SEMA6D: variants seen among roughly 807,000 people sequenced by gnomAD.
SEMA6D encodes the protein semaphorin 6D.
A neutral mutation model predicts 106.6 loss-of-function variants in SEMA6D; 35 were observed. That is an observed-to-expected ratio of 0.33 (90% CI 0.25 to 0.44). The LOEUF (loss-of-function observed/expected upper bound fraction) is 0.44. SEMA6D is among the 20% of genes least tolerant of loss of function. The pLI is 1.00. For synonymous variants in SEMA6D, 499 were observed against 487.7 expected, an observed-to-expected ratio of 1.02 and a Z score of -0.31; for missense variants, 1,185 against 1,345.9, an observed-to-expected ratio of 0.88 and a Z score of 1.87.
rs2041648152 is a variant in SEMA6D at position 47,434,715 on chromosome 15, A to C, written c.-159+22243A>C. Among the ~76,000 whole-genome samples the C allele has an allele frequency of 1.3e-5, 2 of 152,176 alleles. 1 individual carries two copies. Among genetic ancestry groups the C allele is most frequent in the South Asian group, 4.1e-4 (2 of 4,824 alleles). On this transcript the variant is annotated intron_variant, in intron 2 of 19. Coordinates refer to the SEMA6D transcript ENST00000558014. Reference sequence around the variant, plus strand: ...TACATAGAATTCATTCTACAAATGGATAATGTGTGGTCCCACATGGCATAG... The same window carrying C: ...TACATAGAATTCATTCTACAAATGGCTAATGTGTGGTCCCACATGGCATAG...
intron 2 of SEMA6D, among the ~76,000 whole-genome samples, chr15:47,468,076 C>T (rs2042717644): frequency 6.6e-6 from 1 of 152,116 alleles, no homozygotes; most frequent in Non-Finnish European, 1.5e-5. Context: ...ACTTATTGCA[C>T]TAGATTTGAC....
At chr15:47,572,990 A>C (rs1436720909) in intron 3 of SEMA6D, among the ~76,000 whole-genome samples, 1 of 151,244 alleles carries the variant, frequency 6.6e-6, no homozygotes, top group African/African-American at 2.5e-5. Flanking sequence ...TTGACACTTG[A>C]AAAAAAAGTT....
intron 1 of SEMA6D, among the ~76,000 whole-genome samples, chr15:47,731,319 C>CG (rs397801626): frequency 3.3e-5 from 5 of 151,952 alleles, no homozygotes; most frequent in African/African-American, 7.2e-5. Context: ...ACTGCCCCCC[C>CG]GCCCCCGGTT....
At chr15:47,611,663 A>G (rs891736284) in intron 4 of SEMA6D, among the ~76,000 whole-genome samples, 3 of 152,238 alleles carry the variant, frequency 2.0e-5, no homozygotes, top group Non-Finnish European at 2.9e-5. Context: ...CGTAAATCTT[A>G]GAACAATGTT....
At chr15:47,428,827 T>TGTG (rs2041430562) in intron 2 of SEMA6D, among the ~76,000 whole-genome samples, 1 of 152,000 alleles carries the variant, frequency 6.6e-6, no homozygotes, top group Admixed American at 6.6e-5. Context: ...CAATTGGTAT[T>TGTG]TACGTACCTT....
intron 4 of SEMA6D, among the ~76,000 whole-genome samples, chr15:47,689,966 G>T (rs1274490363): frequency 1.3e-5 from 2 of 152,140 alleles, no homozygotes; most frequent in African/African-American, 4.8e-5. Flanking sequence ...GGAAAGCAGG[G>T]ATTTAGAGCA....
Position 47,565,131 on chromosome 15 carries a change from C to T in SEMA6D, c.-86-35734C>T, listed in dbSNP as rs140300242. ...TACAGATACAGAAGGGCCCACTGAG[C>T]TGCTAACAGTTAACCTTTCTGAAGA... On this transcript the variant is annotated intron_variant, in intron 3 of 19. Coordinates refer to the SEMA6D transcript ENST00000558014. Among the ~76,000 whole-genome samples, 86 of 152,320 alleles carry T rather than the reference C, an allele frequency of 5.6e-4. 1 individual carries two copies. In the East Asian group the frequency reaches 0.015, roughly 27 times the overall value.
At chr15:47,480,354 G>A (rs1341044211) in intron 3 of SEMA6D, among the ~76,000 whole-genome samples, 1 of 151,848 alleles carries the variant, frequency 6.6e-6, no homozygotes, top group East Asian at 1.9e-4. Context: ...AACCTTCAAT[G>A]GTTCTCCATG....
chr15:47,548,353 A>G (rs1012948975), intron 3 of SEMA6D, among the ~76,000 whole-genome samples: 4 of 152,138 alleles, frequency 2.6e-5, no homozygotes, highest in Non-Finnish European at 5.9e-5. Context: ...TTATCTTAAA[A>G]TCCTTGCACC....
chr15:47,404,896 C>T (rs1311119743), intron 1 of SEMA6D, among the ~76,000 whole-genome samples: 1 of 152,116 alleles, frequency 6.6e-6, no homozygotes, highest in Non-Finnish European at 1.5e-5. Context: ...TTCATACATG[C>T]TAAAATATGT....
At chr15:47,358,094 A>C (rs2038660300) in intron 1 of SEMA6D, among the ~76,000 whole-genome samples, 1 of 152,214 alleles carries the variant, frequency 6.6e-6, no homozygotes, top group African/African-American at 2.4e-5. Context: ...AGTTTATTCT[A>C]GACCAGGGCT....
At chr15:47,259,993 G>A (rs950733454) in intron 1 of SEMA6D, among the ~76,000 whole-genome samples, 6 of 148,490 alleles carry the variant, frequency 4.0e-5, no homozygotes, top group African/African-American at 1.5e-4. Context: ...AGCCCATTTA[G>A]CATGTTTTTT....
At chr15:47,186,045 A>T (rs567554625) in intron 1 of SEMA6D, among the ~76,000 whole-genome samples, 28 of 152,226 alleles carry the variant, frequency 1.8e-4, no homozygotes, top group Non-Finnish European at 3.2e-4. Context: ...TTGTGTATAT[A>T]TATGTGTATA....
chr15:47,731,587 C>T (rs2080126353), intron 1 of SEMA6D, among the ~76,000 whole-genome samples: 1 of 152,184 alleles, frequency 6.6e-6, no homozygotes, highest in Admixed American at 6.5e-5. Flanking sequence ...TCCCAGCTAG[C>T]TGCAAGAACA....
At chr15:47,747,330 T>C (rs1428215482) in intron 1 of SEMA6D, among the ~76,000 whole-genome samples, 1 of 152,166 alleles carries the variant, frequency 6.6e-6, no homozygotes, top group Non-Finnish European at 1.5e-5. Context: ...CCAGGTTTGC[T>C]TAGAATTGGC....
intron 3 of SEMA6D, among the ~76,000 whole-genome samples, chr15:47,567,315 A>G (rs527838853): frequency 4.9e-4 from 75 of 152,354 alleles, no homozygotes; most frequent in African/African-American, 1.7e-3. Context: ...GTAACGAATT[A>G]GAAAATTTAA....
chr15:47,631,606 C>T (rs759576424), intron 4 of SEMA6D, among the ~76,000 whole-genome samples: 4 of 151,000 alleles, frequency 2.6e-5, no homozygotes, highest in Non-Finnish European at 5.9e-5. Context: ...GAAGATTTGG[C>T]CAAATAAGGA....
chr15:47,192,321 T>C (rs1379752133), intron 1 of SEMA6D, among the ~76,000 whole-genome samples: 3 of 152,324 alleles, frequency 2.0e-5, no homozygotes, highest in Non-Finnish European at 1.5e-5. Context: ...CTTTCAAGTT[T>C]TCTCACAGAG....
At chr15:47,376,817 A>G (rs1279588026) in intron 1 of SEMA6D, among the ~76,000 whole-genome samples, 3 of 152,218 alleles carry the variant, frequency 2.0e-5, no homozygotes, top group Non-Finnish European at 4.4e-5. Context: ...GACCCTTTGT[A>G]AATTTGTTAC....
Sources: gnomAD v4.1 joint callset for allele counts (sites outside exome capture counted in the v4.1 genomes callset) on GRCh38, gnomAD v4.1.1 for gene constraint, MANE v1.5 for transcripts, NCBI Gene and HGNC (gene_info 2026-07-23, HGNC 2026-07-21) for gene names.